The following NREP variants were observed in gnomAD, a reference collection of about 807,000 sequenced individuals.
The protein encoded by NREP is neuronal regeneration related protein.
NREP carries 5 observed loss-of-function variants against 8.6 expected under a neutral mutation model. That is an observed-to-expected ratio of 0.58 (90% CI 0.30 to 1.22). The LOEUF is 1.22. Among genes scored for constraint, NREP ranks in the 50% most tolerant of loss-of-function variants. The pLI, the probability that NREP is intolerant of heterozygous loss-of-function variation, is 0.07. For synonymous variants in NREP, 27 were observed against 28.0 expected (o/e 0.96, Z 0.11); for missense variants, 86 against 82.5 (o/e 1.04, Z -0.17).
At chr5:111,970,825 C>CAAAAA (rs33962098) in intron 2 of NREP, among the ~76,000 whole-genome samples, 49 of 53,482 alleles carry the variant, frequency 9.2e-4, no homozygotes, top group African/African-American at 2.0e-3. Flanking sequence ...GACTCCATCT[C>CAAAAA]AAAAAAAAAA....
At chr5:111,854,294 T>A (rs2112472356) in intron 2 of NREP, among the ~76,000 whole-genome samples, 1 of 152,288 alleles carries the variant, frequency 6.6e-6, no homozygotes, top group East Asian at 1.9e-4. Context: ...TGAGAGTTAT[T>A]AGAGCACATA....
intron 2 of NREP, among the ~76,000 whole-genome samples, chr5:111,934,473 A>G (rs140950373): frequency 6.6e-6 from 1 of 152,104 alleles, no homozygotes; most frequent in Non-Finnish European, 1.5e-5. Context: ...AGTAATTAAA[A>G]TAACTCATTT....
chr5:111,755,028 T>G (rs1750613341), intron 2 of NREP, among the ~76,000 whole-genome samples: 1 of 152,222 alleles, frequency 6.6e-6, no homozygotes, highest in Admixed American at 6.5e-5. Flanking sequence ...ATTATTTTTT[T>G]TAGTTCATCT....
At chr5:111,833,636 C>T (rs1752826522) in intron 2 of NREP, among the ~76,000 whole-genome samples, 1 of 152,096 alleles carries the variant, frequency 6.6e-6, no homozygotes, top group African/African-American at 2.4e-5. Flanking sequence ...TGCAGGATGG[C>T]CTCATCCTAT....
chr5:111,760,353 C>T (rs986696868), upstream of NREP, among the ~76,000 whole-genome samples: 1 of 152,184 alleles, frequency 6.6e-6, no homozygotes, highest in Non-Finnish European at 1.5e-5. Context: ...AAGAGGTAGC[C>T]TCCCTTGAGT....
chr5:111,954,347 A>G (rs902119951), intron 2 of NREP, among the ~76,000 whole-genome samples: 15 of 152,186 alleles, frequency 9.9e-5, no homozygotes, highest in Non-Finnish European at 1.9e-4. Flanking sequence ...GCAATGGCTA[A>G]TAATTATGTT....
intron 2 of NREP, among the ~76,000 whole-genome samples, chr5:111,753,418 A>T (rs1298027996): frequency 6.7e-6 from 1 of 149,166 alleles, no homozygotes; most frequent in Non-Finnish European, 1.5e-5. Flanking sequence ...TATAAATGAT[A>T]CAGAAGGGAC....
chr5:111,832,654 G>A (rs1362900933), intron 2 of NREP, among the ~76,000 whole-genome samples: 1 of 152,312 alleles, frequency 6.6e-6, no homozygotes, highest in South Asian at 2.1e-4. Context: ...TTCTCTACCA[G>A]ATGGTTCTGA....
intron 2 of NREP, among the ~76,000 whole-genome samples, chr5:111,892,501 C>T (rs765475164): frequency 3.3e-5 from 5 of 151,920 alleles, no homozygotes; most frequent in Non-Finnish European, 5.9e-5. Flanking sequence ...ATCATCTAAA[C>T]AATTTTATTT....
chr5:111,916,787 G>C (rs145227064), intron 2 of NREP, among the ~76,000 whole-genome samples: 1 of 152,064 alleles, frequency 6.6e-6, no homozygotes, highest in Non-Finnish European at 1.5e-5. Flanking sequence ...AACTGTTAGG[G>C]GTTGTGACAA....
At chr5:111,769,891 G>C (rs548031141) in intron 2 of NREP, among the ~76,000 whole-genome samples, 7 of 152,256 alleles carry the variant, frequency 4.6e-5, no homozygotes, top group African/African-American at 1.4e-4. Flanking sequence ...ATTACAATTT[G>C]ACTTGAGATC....
At chr5:111,957,706 TAC>T (rs34712300) in intron 2 of NREP, among the ~76,000 whole-genome samples, 16 of 151,024 alleles carry the variant, frequency 1.1e-4, no homozygotes, top group Middle Eastern at 3.4e-3. Flanking sequence ...TATATATATA[TAC>T]ACACACACAC....
intron 2 of NREP, among the ~76,000 whole-genome samples, chr5:111,907,586 T>C (rs1754809301): frequency 6.6e-6 from 1 of 152,138 alleles, no homozygotes. Flanking sequence ...ATTATAACTT[T>C]ATTGTATATC....
rs374197100 is a variant in NREP at position 111,880,909 on chromosome 5, G to A, written c.135+94365C>T. On this transcript the variant is annotated intron_variant, in intron 2 of 3. Transcript: ENST00000395634. ...CCCAGCGTGAGCAACGCAGAAGACGGGTGATTTCTGCATTTCCATCTGAGG... is the reference window on the plus strand; with the variant it reads ...CCCAGCGTGAGCAACGCAGAAGACGAGTGATTTCTGCATTTCCATCTGAGG... Among the ~76,000 whole-genome samples, 129 of 152,176 alleles carry A rather than the reference G, an allele frequency of 8.5e-4. 1 individual carries two copies. The highest frequency in any genetic ancestry group is 3.0e-3 in the African/African-American group (126 of 41,512).
intron 2 of NREP, among the ~76,000 whole-genome samples, chr5:111,867,497 CCTTA>C (rs762212537): frequency 3.3e-5 from 5 of 152,206 alleles, no homozygotes; most frequent in East Asian, 3.9e-4. Flanking sequence ...TCTTATTTAG[CCTTA>C]CTTACTCCTA....
intron 2 of NREP, among the ~76,000 whole-genome samples, chr5:111,955,116 A>C (rs1265819956): frequency 6.6e-6 from 1 of 152,186 alleles, no homozygotes; most frequent in South Asian, 2.1e-4. Context: ...TATCAGACTT[A>C]AGCTATGCCT....
intron 2 of NREP, among the ~76,000 whole-genome samples, chr5:111,879,207 T>C (rs939961830): frequency 5.9e-5 from 9 of 152,142 alleles, no homozygotes; most frequent in African/African-American, 2.2e-4. Flanking sequence ...GCCGTGAGTA[T>C]AAGCTTGCTG....
chr5:111,789,508 T>C (rs2112891536), intron 2 of NREP, among the ~76,000 whole-genome samples: 1 of 152,334 alleles, frequency 6.6e-6, no homozygotes, highest in Non-Finnish European at 1.5e-5. Flanking sequence ...AATTCCTAGC[T>C]TGATTTTCTT....
At chr5:111,729,017 T>G (rs900302081), downstream of NREP, 1 of 151,452 alleles carries the variant, frequency 6.6e-6, no homozygotes, top group Admixed American at 6.6e-5. Flanking sequence ...TGGGAATGCC[T>G]TGGAAGGGAG....
Sources: allele counts gnomAD v4.1 joint callset (sites outside exome capture counted in the v4.1 genomes callset), GRCh38; gene constraint gnomAD v4.1.1; transcripts MANE v1.5; gene names NCBI Gene and HGNC (gene_info 2026-07-23, HGNC 2026-07-21).